The following TCEA1 variants were observed in gnomAD, a reference collection of about 807,000 sequenced individuals.
TCEA1 encodes the protein transcription elongation factor A1, also known as transcription elongation factor A protein 1.
TCEA1 carries 21 observed loss-of-function variants against 43.8 expected under a neutral mutation model. The ratio of observed to expected loss-of-function variants is 0.48; its 90% confidence interval spans 0.34 to 0.69. The LOEUF is 0.69. Among genes scored for constraint, TCEA1 ranks in the 30% least tolerant of loss-of-function variants. The pLI is 0.01. For missense variants in TCEA1, 250 were observed against 365.1 expected (o/e 0.68, Z 2.57); for synonymous variants, 104 against 117.5 (o/e 0.88, Z 0.75).
At chr8:54,011,741 T>G (rs1421362913) in intron 1 of TCEA1, among the ~76,000 whole-genome samples, 1 of 152,212 alleles carries the variant, frequency 6.6e-6, no homozygotes, top group East Asian at 1.9e-4. Flanking sequence ...AGATATAAAA[T>G]CAAGTAAAGG....
intron 1 of TCEA1, chr8:54,021,694 A>C: frequency 1.1e-5 from 2 of 185,888 alleles, no homozygotes; most frequent in South Asian, 1.8e-4. Flanking sequence ...GGATCACGGA[A>C]GACTCCATTC....
In TCEA1 at chr8:54,003,428, G is replaced by A. The variant is rs188158943; in HGVS notation, c.127-3378C>T. The stretch of plus-strand genomic sequence containing the variant: ...CAGCCAAAACAATCTTGAAAAAGAA[G>A]AACAAAGTTGGAGCACTCACAATTC... On this transcript the variant is annotated intron_variant, in intron 2 of 9. Transcript: ENST00000521604. Among the ~76,000 whole-genome samples, 25 of 152,234 alleles carry A rather than the reference G, an allele frequency of 1.6e-4. No individual in the cohort carries two copies. In the East Asian group the frequency reaches 4.8e-3, roughly 29 times the overall value.
intron 7 of TCEA1, among the ~76,000 whole-genome samples, chr8:53,983,309 G>T (rs1041838778): frequency 1.3e-5 from 2 of 152,160 alleles, no homozygotes; most frequent in Non-Finnish European, 2.9e-5. Flanking sequence ...CTTTATTGCA[G>T]TAGTCCAATC....
intron 4 of TCEA1, among the ~76,000 whole-genome samples, chr8:53,989,835 A>C (rs1303262145): frequency 6.6e-6 from 1 of 152,138 alleles, no homozygotes; most frequent in African/African-American, 2.4e-5. Context: ...CAGTGGTGCC[A>C]TCACAGCTCA....
chr8:53,992,566 G>A (rs772563393), intron 4 of TCEA1, among the ~76,000 whole-genome samples: 8 of 152,122 alleles, frequency 5.3e-5, no homozygotes, highest in African/African-American at 1.2e-4. Context: ...AGCCAAGATC[G>A]CACCACTGCA....
intron 3 of TCEA1, among the ~76,000 whole-genome samples, chr8:53,995,484 C>T (rs1804026961): frequency 6.6e-6 from 1 of 151,952 alleles, no homozygotes. Flanking sequence ...AAACAAAACA[C>T]ATAGCCTTGA....
rs1803020344 is a variant in TCEA1, at chr8:53,967,514, GGTTA to G, written c.*586_*589del. 1.0e-5 allele frequency: 2 copies of G among 200,046 alleles called. No individual in the cohort carries two copies. Among genetic ancestry groups the G allele is most frequent in the South Asian group, 1.9e-4 (1 of 5,260 alleles). The allele number at this position is 200,046 out of a possible 1,614,324, so 12.4% of individuals were successfully genotyped here. Reference sequence around the variant, plus strand: ...AGAAATTACAAGAAATGATGATCACGGTTAGTTACAGATGCAAAATAATATCTAA... The same window carrying G: ...AGAAATTACAAGAAATGATGATCACGGTTACAGATGCAAAATAATATCTAA... On this transcript the variant is annotated 3_prime_UTR_variant, in exon 10 of 10. Transcript: ENST00000521604.
intron 8 of TCEA1, chr8:53,973,141 A>G: frequency 1.7e-6 from 1 of 575,296 alleles, no homozygotes; most frequent in Non-Finnish European, 3.3e-6. Flanking sequence ...GATGAAGTCA[A>G]TGTAGAAGAA....
chr8:53,985,179 G>A (rs1277476015), intron 6 of TCEA1, among the ~76,000 whole-genome samples: 4 of 152,006 alleles, frequency 2.6e-5, no homozygotes, highest in Non-Finnish European at 4.4e-5. Flanking sequence ...ACCATGCCCG[G>A]CTAATTTTTG....
intron 9 of TCEA1, among the ~76,000 whole-genome samples, chr8:53,969,645 A>G (rs1419576749): frequency 6.6e-6 from 1 of 152,212 alleles, no homozygotes; most frequent in Non-Finnish European, 1.5e-5. Flanking sequence ...CATTTAATAC[A>G]TAAGAACAAT....
intron 2 of TCEA1, among the ~76,000 whole-genome samples, chr8:54,003,783 A>G (rs886535016): frequency 1.3e-5 from 2 of 152,192 alleles, no homozygotes; most frequent in Non-Finnish European, 2.9e-5. Context: ...ATCAAAGAAA[A>G]AATAGAATAT....
chr8:54,008,531 C>G (rs904544120), intron 2 of TCEA1, among the ~76,000 whole-genome samples: 1 of 151,716 alleles, frequency 6.6e-6, no homozygotes, highest in African/African-American at 2.4e-5. Context: ...CTCCTGTAGT[C>G]CCCAGTTACT....
At position 54,021,959 on chromosome 8, in the gene TCEA1, G is replaced by A. The variant is rs1200809570; in HGVS notation, c.63+104C>T. 3.4e-6 allele frequency: 4 copies of A among 1,176,384 alleles called. No individual in the cohort carries two copies. The Admixed American group carries it at 1.3e-4, about 37-fold the overall frequency. The allele number at this position is 1,176,384 out of a possible 1,614,324, so 72.9% of individuals were successfully genotyped here. A position where few individuals can be genotyped will look rare whatever the true frequency, so the allele number is the denominator to read the frequency against. On this transcript the variant is annotated intron_variant, in intron 1 of 9. Coordinates refer to ENST00000521604, the MANE Select transcript of TCEA1 (RefSeq NM_006756.4). The stretch of plus-strand genomic sequence containing the variant: ...GCGCGGCGGGCCCGGCTCCCAGACG[G>A]GAGGCTGCAGGGGGAGGGGAGGGAG...
At chr8:54,017,216 A>G (rs942061726) in intron 1 of TCEA1, among the ~76,000 whole-genome samples, 3 of 152,162 alleles carry the variant, frequency 2.0e-5, no homozygotes, top group Non-Finnish European at 4.4e-5. Flanking sequence ...ATGTTCTAAA[A>G]TTATACAGTA....
chr8:53,981,384 T>C (rs908873802), intron 7 of TCEA1, among the ~76,000 whole-genome samples: 3 of 152,228 alleles, frequency 2.0e-5, no homozygotes, highest in Non-Finnish European at 2.9e-5. Flanking sequence ...ACTCTCTTGT[T>C]AGGGGCTAAA....
At chr8:53,981,599 T>C (rs1002303566) in intron 7 of TCEA1, among the ~76,000 whole-genome samples, 3 of 152,216 alleles carry the variant, frequency 2.0e-5, no homozygotes, top group Non-Finnish European at 4.4e-5. Context: ...AAGATTTCTT[T>C]CAAAATATTC....
chr8:53,978,741 G>C (rs1362031502), intron 8 of TCEA1: 2 of 286,334 alleles, frequency 7.0e-6, no homozygotes, highest in Non-Finnish European at 1.3e-5. Context: ...TTTCATAACA[G>C]TATCTTGTTA....
intron 1 of TCEA1, among the ~76,000 whole-genome samples, chr8:54,014,033 T>A (rs974518980): frequency 6.6e-6 from 1 of 152,190 alleles, no homozygotes; most frequent in African/African-American, 2.4e-5. Context: ...ACTGAAACCC[T>A]TTCTGACATC....
chr8:54,019,077 G>C (rs1431896307), intron 1 of TCEA1, among the ~76,000 whole-genome samples: 6 of 152,170 alleles, frequency 3.9e-5, no homozygotes, highest in Admixed American at 2.0e-4. Flanking sequence ...GATAAGGTGG[G>C]TAAGTATTTA....
Sources: gnomAD v4.1 joint callset for allele counts (sites outside exome capture counted in the v4.1 genomes callset) on GRCh38, gnomAD v4.1.1 for gene constraint, MANE v1.5 for transcripts, NCBI Gene and HGNC (gene_info 2026-07-23, HGNC 2026-07-21) for gene names.